CBFA2T3: variants seen among roughly 807,000 people sequenced by gnomAD.
CBFA2T3 encodes CBFA2/RUNX1 partner transcriptional co-repressor 3.
Under a neutral mutation model 58.6 loss-of-function variants are expected in CBFA2T3, and 31 were observed. That is an observed-to-expected ratio of 0.53 (90% CI 0.40 to 0.71). CBFA2T3 has a LOEUF of 0.71. CBFA2T3 is among the 30% of genes least tolerant of loss of function. CBFA2T3 has a pLI of 0.00. For synonymous variants in CBFA2T3, 531 were observed against 421.9 expected (o/e 1.26, Z -3.17); for missense variants, 1,076 against 963.1 (o/e 1.12, Z -1.55).
chr16:88,938,907 A>G (rs1187826178), intron 1 of CBFA2T3: 1 of 152,122 alleles, frequency 6.6e-6, no homozygotes, highest in Non-Finnish European at 1.5e-5. Flanking sequence ...GAGAGCCCCA[A>G]GATGGTTCCA....
At chr16:88,929,434 C>A (rs994632802) in intron 1 of CBFA2T3, among the ~76,000 whole-genome samples, 1 of 152,234 alleles carries the variant, frequency 6.6e-6, no homozygotes, top group African/African-American at 2.4e-5. Flanking sequence ...CCCTTGAAAC[C>A]CCGTGGACAA....
intron 1 of CBFA2T3, chr16:88,938,992 C>G (rs1971608976): frequency 1.3e-5 from 2 of 152,198 alleles, no homozygotes; most frequent in Admixed American, 6.5e-5. Flanking sequence ...CGAGGCCCGG[C>G]CCTCCCCACT....
rs183608526 is a variant in CBFA2T3 at position 88,940,951 on chromosome 16, C to T, written c.151+35706G>A. 3.7e-6 allele frequency: 3 copies of T among 809,874 alleles called. No individual in the cohort carries two copies. In the African/African-American group the frequency reaches 5.6e-5, roughly 15 times the overall value. 50.2% of individuals were successfully genotyped at this position (809,874 alleles called of 1,614,324 possible). On this transcript the variant is annotated intron_variant, in intron 1 of 11. Transcript: ENST00000268679. ...GCTCGGCGCGGCTGCGGCGCAGATC[C>T]GGGAACGGCAGCCGCGGGCGGAGTC... is the stretch of plus-strand genomic sequence containing the variant.
rs78722691 is a variant in CBFA2T3 at position 88,920,451 on chromosome 16, T to C, written c.152-18795A>G. ...ACCACCATACCCGGCCAATTTTTTT[T>C]TTTTTTTTTTTTAAATAGAGACTGG... is the stretch of plus-strand genomic sequence containing the variant. On this transcript the variant is annotated intron_variant, in intron 1 of 11. Transcript: ENST00000268679. Among the ~76,000 whole-genome samples, 8 of 108,566 alleles carry C rather than the reference T, an allele frequency of 7.4e-5. No individual in the cohort carries two copies. In the South Asian group the frequency reaches 2.3e-3, roughly 31 times the overall value. 71.2% of individuals were successfully genotyped at this position (108,566 alleles called of 152,430 possible).
At chr16:88,969,731 A>G (rs1338994423) in intron 1 of CBFA2T3, among the ~76,000 whole-genome samples, 1 of 152,190 alleles carries the variant, frequency 6.6e-6, no homozygotes, top group African/African-American at 2.4e-5. Context: ...CTTGGCTGCC[A>G]GGGTGCGAGT....
At chr16:88,899,704 T>C (rs1367976589) in intron 2 of CBFA2T3, among the ~76,000 whole-genome samples, 1 of 152,178 alleles carries the variant, frequency 6.6e-6, no homozygotes, top group Non-Finnish European at 1.5e-5. Flanking sequence ...AGACGCACCC[T>C]TGAGGGTCTG....
Position 88,903,239 on chromosome 16 carries a change from C to T in CBFA2T3, c.152-1583G>A, listed in dbSNP as rs567200357. Among the ~76,000 whole-genome samples, 6 of 152,340 alleles carry T rather than the reference C, an allele frequency of 3.9e-5. No individual in the cohort carries two copies. In the South Asian group the frequency reaches 1.0e-3, roughly 26 times the overall value. On this transcript the variant is annotated intron_variant, in intron 1 of 11. Transcript: ENST00000268679. The stretch of plus-strand genomic sequence containing the variant: ...AAATACGGCACAAACCTCTGCTGAT[C>T]CTCTTGCCGCCGGCTCCTTTTACAG...
chr16:88,976,293 G>C (rs1169071914), intron 1 of CBFA2T3, among the ~76,000 whole-genome samples: 3 of 152,156 alleles, frequency 2.0e-5, no homozygotes, highest in African/African-American at 7.2e-5. Flanking sequence ...GGCATCCCAG[G>C]AGGAGGAGGG....
At chr16:88,913,221 C>G (rs754587332) in intron 1 of CBFA2T3, among the ~76,000 whole-genome samples, 2 of 152,256 alleles carry the variant, frequency 1.3e-5, no homozygotes, top group Non-Finnish European at 2.9e-5. Context: ...GGAGCCCCCA[C>G]GTGAACACGC....
chr16:88,903,663 G>GGC (rs1970188165), intron 1 of CBFA2T3, among the ~76,000 whole-genome samples: 2 of 137,288 alleles, frequency 1.5e-5, no homozygotes, highest in African/African-American at 5.4e-5. Flanking sequence ...CCCGGCTGGG[G>GGC]GGGGGGGCGT....
chr16:88,967,194 G>C (rs1465070784), intron 1 of CBFA2T3, among the ~76,000 whole-genome samples: 1 of 97,540 alleles, frequency 1.0e-5, no homozygotes, highest in Non-Finnish European at 2.1e-5. Context: ...ACTCGGCCCC[G>C]ACACGAGGCA....
intron 1 of CBFA2T3, among the ~76,000 whole-genome samples, chr16:88,907,154 C>T (rs763359481): frequency 5.9e-5 from 9 of 152,190 alleles, no homozygotes; most frequent in South Asian, 2.1e-4. Context: ...CCCCGGTCCC[C>T]GAGGACACCC....
intron 1 of CBFA2T3, among the ~76,000 whole-genome samples, chr16:88,923,855 A>C (rs1389957441): frequency 6.6e-6 from 1 of 152,194 alleles, no homozygotes; most frequent in Non-Finnish European, 1.5e-5. Flanking sequence ...TCCTCTCTCA[A>C]AGGTGGGGCC....
intron 2 of CBFA2T3, 140 bp from the exon 3 acceptor site, chr16:88,898,292 G>T: frequency 3.0e-6 from 2 of 656,710 alleles, no homozygotes; most frequent in South Asian, 3.4e-5. Context: ...GCCCTCAGGG[G>T]CACCCGGGCC....
At chr16:88,911,167 T>C (rs1970518828) in intron 1 of CBFA2T3, among the ~76,000 whole-genome samples, 1 of 152,210 alleles carries the variant, frequency 6.6e-6, no homozygotes, top group Non-Finnish European at 1.5e-5. Flanking sequence ...GGACCCTTCC[T>C]CTGGCCCCAC....
At chr16:88,942,338 G>A (rs1236886371) in intron 1 of CBFA2T3, among the ~76,000 whole-genome samples, 1 of 152,196 alleles carries the variant, frequency 6.6e-6, no homozygotes, top group Non-Finnish European at 1.5e-5. Context: ...GGGGCCCAGG[G>A]GTCACCATTA....
chr16:88,928,583 C>T (rs553972361), intron 1 of CBFA2T3, among the ~76,000 whole-genome samples: 19 of 152,314 alleles, frequency 1.2e-4, no homozygotes, highest in African/African-American at 3.6e-4. Context: ...AAGCAGCCGG[C>T]GACCCCGGGC....
At chr16:88,967,767 G>A (rs1471291416) in intron 1 of CBFA2T3, among the ~76,000 whole-genome samples, 1 of 152,208 alleles carries the variant, frequency 6.6e-6, no homozygotes, top group Non-Finnish European at 1.5e-5. Context: ...CTGCCTGGGG[G>A]CTCGTCGCGG....
intron 9 of CBFA2T3, 199 bp from the exon 10 acceptor site, chr16:88,880,987 C>A: frequency 1.5e-6 from 1 of 673,904 alleles, no homozygotes; most frequent in South Asian, 1.6e-5. Flanking sequence ...GAGCTGTGGA[C>A]CTTGGACTCG....
Sources: gnomAD v4.1 joint callset for allele counts (sites outside exome capture counted in the v4.1 genomes callset) on GRCh38, gnomAD v4.1.1 for gene constraint, MANE v1.5 for transcripts, NCBI Gene and HGNC (gene_info 2026-07-23, HGNC 2026-07-21) for gene names.